The following TRPM3 variants were observed in gnomAD, a reference collection of about 807,000 sequenced individuals.
TRPM3 encodes the protein transient receptor potential cation channel subfamily M member 3.
TRPM3 carries 77 observed loss-of-function variants against 181.2 expected under a neutral mutation model. That is an observed-to-expected ratio of 0.42 (90% CI 0.35 to 0.51). The LOEUF (loss-of-function observed/expected upper bound fraction) is 0.51. TRPM3 is among the 20% of genes least tolerant of loss of function. The pLI, the probability that TRPM3 is intolerant of heterozygous loss-of-function variation, is 0.01. For synonymous variants in TRPM3, 745 were observed against 796.4 expected (o/e 0.94, Z 1.09); for missense variants, 1,759 against 2,196.7 (o/e 0.80, Z 3.98).
At chr9:71,062,365 T>G (rs2061423708) in intron 1 of TRPM3, among the ~76,000 whole-genome samples, 1 of 152,098 alleles carries the variant, frequency 6.6e-6, no homozygotes, top group Admixed American at 6.6e-5. Flanking sequence ...GCCAATGTGA[T>G]GGTCTAAATA....
At chr9:71,394,977 C>T (rs771484081) in intron 1 of TRPM3, among the ~76,000 whole-genome samples, 3 of 152,130 alleles carry the variant, frequency 2.0e-5, no homozygotes, top group South Asian at 2.1e-4. Context: ...TGGACCTATG[C>T]GGGGTGTTTT....
chr9:71,075,374 T>C (rs1380895511), intron 1 of TRPM3, among the ~76,000 whole-genome samples: 1 of 152,196 alleles, frequency 6.6e-6, no homozygotes, highest in Admixed American at 6.5e-5. Context: ...TTTTGTTCTG[T>C]GTTTAAGTAG....
intron 6 of TRPM3, among the ~76,000 whole-genome samples, chr9:70,796,416 C>T (rs1437469567): frequency 6.6e-6 from 1 of 152,168 alleles, no homozygotes; most frequent in Non-Finnish European, 1.5e-5. Context: ...CTGAAAGAGA[C>T]AGCAATTACT....
intron 1 of TRPM3, among the ~76,000 whole-genome samples, chr9:71,262,640 G>A (rs1347625435): frequency 6.6e-6 from 1 of 152,220 alleles, no homozygotes; most frequent in Non-Finnish European, 1.5e-5. Flanking sequence ...TTTTGTGCTT[G>A]AAACCCAGGG....
At chr9:70,859,722 A>G (rs904188264) in intron 3 of TRPM3, among the ~76,000 whole-genome samples, 12 of 152,328 alleles carry the variant, frequency 7.9e-5, no homozygotes, top group African/African-American at 2.6e-4. Flanking sequence ...ATTTTCCAGC[A>G]GGAGAAAAAG....
At chr9:71,343,353 A>G (rs1286637728) in intron 1 of TRPM3, among the ~76,000 whole-genome samples, 1 of 152,160 alleles carries the variant, frequency 6.6e-6, no homozygotes, top group Non-Finnish European at 1.5e-5. Flanking sequence ...TTTTGACAAT[A>G]CAACTTCACT....
At chr9:70,592,990 A>G (rs1046087983) in intron 21 of TRPM3, among the ~76,000 whole-genome samples, 3 of 152,132 alleles carry the variant, frequency 2.0e-5, no homozygotes, top group Non-Finnish European at 4.4e-5. Context: ...TCGGCCTCCC[A>G]AAGTGCTGGG....
intron 1 of TRPM3, among the ~76,000 whole-genome samples, chr9:71,319,955 AT>A (rs2089041131): frequency 1.3e-5 from 2 of 152,126 alleles, no homozygotes; most frequent in Admixed American, 1.3e-4. Flanking sequence ...GTGCTTTGTT[AT>A]TTTAAGGATT....
At chr9:70,557,723 G>C (rs1318309255) in intron 22 of TRPM3, among the ~76,000 whole-genome samples, 2 of 152,170 alleles carry the variant, frequency 1.3e-5, no homozygotes, top group African/African-American at 2.4e-5. Flanking sequence ...CTTCCCCTGG[G>C]CCTCCTCCTT....
chr9:70,908,731 T>C (rs1319195477), intron 1 of TRPM3, among the ~76,000 whole-genome samples: 1 of 152,182 alleles, frequency 6.6e-6, no homozygotes, highest in African/African-American at 2.4e-5. Context: ...GAACAGTTAT[T>C]AGAAAGCTAC....
chr9:71,355,364 C>T lies in TRPM3; in HGVS notation c.183+91289G>A, dbSNP rs188315947. 1.2e-3 allele frequency among the ~76,000 whole-genome samples: 175 copies of T among 152,140 alleles called. 1 individual carries two copies. The highest frequency in any genetic ancestry group is 1.9e-3 in the Non-Finnish European group (127 of 68,010). ...ATACAGACTCACAAAGAAGAGAATG[C>T]CATGTAAAGACAGAGGCAAAAATTG... On this transcript the variant is annotated intron_variant, in intron 1 of 24. Transcript: ENST00000357533.
intron 22 of TRPM3, among the ~76,000 whole-genome samples, chr9:70,583,398 T>C (rs113281912): frequency 6.6e-6 from 1 of 152,148 alleles, no homozygotes; most frequent in East Asian, 1.9e-4. Context: ...ATAGTCATGA[T>C]AGAGTAGAAA....
At chr9:70,555,518 C>T (rs1469052146) in intron 22 of TRPM3, among the ~76,000 whole-genome samples, 1 of 152,192 alleles carries the variant, frequency 6.6e-6, no homozygotes, top group Non-Finnish European at 1.5e-5. Flanking sequence ...CATGGGGACA[C>T]AATCTTGTTG....
At chr9:70,627,612 G>A (rs2064913027) in intron 12 of TRPM3, among the ~76,000 whole-genome samples, 1 of 152,062 alleles carries the variant, frequency 6.6e-6, no homozygotes, top group African/African-American at 2.4e-5. Flanking sequence ...CCCAGAATTA[G>A]CTCCCACCCC....
intron 1 of TRPM3, among the ~76,000 whole-genome samples, chr9:71,203,733 C>T (rs1056746527): frequency 3.3e-5 from 5 of 152,128 alleles, no homozygotes; most frequent in Non-Finnish European, 7.4e-5. Flanking sequence ...GTACTCTGTA[C>T]AGTGCCTGGA....
intron 9 of TRPM3, among the ~76,000 whole-genome samples, chr9:70,650,071 G>A (rs10746853): frequency 0.41 from 62,142 of 151,976 alleles, 13,694 homozygotes; most frequent in African/African-American, 0.57. Context: ...AAAACCAAAT[G>A]TCAATGTTCT....
Position 71,424,071 on chromosome 9 carries a change from C to A in TRPM3, c.183+22582G>T, listed in dbSNP as rs569462953. Among the ~76,000 whole-genome samples, 14 of 152,192 alleles carry A rather than the reference C, an allele frequency of 9.2e-5. No individual in the cohort carries two copies. In the South Asian group the frequency reaches 2.9e-3, roughly 32 times the overall value. ...TTCTAGGGTGCCTTTGAGCTCCACC[C>A]AAAGCTCAAATCATTTGAATTCTTA... On this transcript the variant is annotated intron_variant, in intron 1 of 24. Coordinates refer to the TRPM3 transcript ENST00000357533.
At chr9:70,558,616 T>C (rs2048314744) in intron 22 of TRPM3, among the ~76,000 whole-genome samples, 1 of 152,196 alleles carries the variant, frequency 6.6e-6, no homozygotes, top group Non-Finnish European at 1.5e-5. Context: ...ACTCAGAAAC[T>C]AATGACACAG....
chr9:70,792,390 A>G (rs2085672329), intron 6 of TRPM3, among the ~76,000 whole-genome samples: 1 of 151,948 alleles, frequency 6.6e-6, no homozygotes, highest in Non-Finnish European at 1.5e-5. Flanking sequence ...AGCAGAGGGT[A>G]CCATGGAGGG....
Sources: gnomAD v4.1 joint callset for allele counts (sites outside exome capture counted in the v4.1 genomes callset) on GRCh38, gnomAD v4.1.1 for gene constraint, MANE v1.5 for transcripts, NCBI Gene and HGNC (gene_info 2026-07-23, HGNC 2026-07-21) for gene names.